Variants in THRB observed in about 807,000 individuals in gnomAD.
THRB encodes the protein thyroid hormone receptor beta, also known as nuclear receptor subfamily 1 group A member 2.
THRB carries 12 observed loss-of-function variants against 47.8 expected under a neutral mutation model. That is an observed-to-expected ratio of 0.25 (90% CI 0.16 to 0.41). The LOEUF is 0.41. Ranked by LOEUF, THRB falls within the 10% of genes least tolerant of loss-of-function variation. The probability of loss-of-function intolerance (pLI) is 1.00; values close to 1 mark genes in which losing one functional copy is unlikely to be tolerated. For synonymous variants in THRB, 218 were observed against 212.2 expected (o/e 1.03, Z -0.24); for missense variants, 348 against 589.2 (o/e 0.59, Z 4.24).
At chr3:24,182,650 A>G (rs1381722195) in intron 5 of THRB, among the ~76,000 whole-genome samples, 2 of 152,308 alleles carry the variant, frequency 1.3e-5, no homozygotes, top group African/African-American at 2.4e-5. Flanking sequence ...ACTGTGTCCC[A>G]TGAGATCATT....
intron 1 of THRB, among the ~76,000 whole-genome samples, chr3:24,338,092 C>T (rs376566161): frequency 2.0e-5 from 3 of 152,080 alleles, no homozygotes; most frequent in Admixed American, 1.3e-4. Context: ...TTGTAAATAA[C>T]GTAGAAATTT....
intron 8 of THRB, 141 bp from the exon 9 acceptor site, chr3:24,133,603 T>A: frequency 2.5e-6 from 2 of 813,070 alleles, no homozygotes; most frequent in Non-Finnish European, 4.1e-6. Context: ...TAACAAACTG[T>A]ACAGTTTACA....
chr3:24,194,924 C>T (rs1202128302), intron 4 of THRB, among the ~76,000 whole-genome samples: 1 of 152,136 alleles, frequency 6.6e-6, no homozygotes, highest in African/African-American at 2.4e-5. Context: ...GCACTCATTG[C>T]AAGAGTTTAG....
intron 1 of THRB, among the ~76,000 whole-genome samples, chr3:24,368,232 C>T (rs1351793403): frequency 6.6e-6 from 1 of 152,082 alleles, no homozygotes; most frequent in Non-Finnish European, 1.5e-5. Context: ...ACACGGATGA[C>T]TTTTCTGTCT....
chr3:24,174,832 T>G (rs1426454611), intron 5 of THRB, among the ~76,000 whole-genome samples: 1 of 152,174 alleles, frequency 6.6e-6, no homozygotes, highest in East Asian at 1.9e-4. Flanking sequence ...GTTTTAGAGA[T>G]AAGGAAACTG....
intron 1 of THRB, among the ~76,000 whole-genome samples, chr3:24,486,851 T>C (rs1218007270): frequency 6.6e-6 from 1 of 152,204 alleles, no homozygotes. Context: ...CTTATTCTAT[T>C]CCCTGTTGCA....
At chr3:24,146,568 C>T in intron 7 of THRB, 107 bp downstream of exon 7, 6 of 1,204,914 alleles carry the variant, frequency 5.0e-6, no homozygotes, top group Admixed American at 1.7e-5. Context: ...ATTCCCTTCT[C>T]TGTCTTCTTG....
intron 2 of THRB, among the ~76,000 whole-genome samples, chr3:24,329,038 T>C (rs978651443): frequency 6.6e-6 from 1 of 151,940 alleles, no homozygotes; most frequent in Non-Finnish European, 1.5e-5. Context: ...CCTCCAACTC[T>C]TGGGCTCAAG....
chr3:24,210,454 A>G (rs1256050361), intron 4 of THRB, among the ~76,000 whole-genome samples: 1 of 150,000 alleles, frequency 6.7e-6, no homozygotes, highest in Non-Finnish European at 1.5e-5. Flanking sequence ...CAATATCTGG[A>G]GACATTTTTT....
At chr3:24,219,128 T>G (rs933670539) in intron 4 of THRB, among the ~76,000 whole-genome samples, 16 of 151,830 alleles carry the variant, frequency 1.1e-4, no homozygotes, top group Admixed American at 4.6e-4. Context: ...ATAAAAACAT[T>G]TAGCTGAGTG....
At chr3:24,440,879 A>G (rs1456020904) in intron 1 of THRB, among the ~76,000 whole-genome samples, 1 of 152,138 alleles carries the variant, frequency 6.6e-6, no homozygotes, top group East Asian at 1.9e-4. Context: ...ACAAATTCCT[A>G]CCAAATTAAC....
intron 7 of THRB, chr3:24,144,315 C>G (rs1252210122): frequency 6.4e-6 from 1 of 156,246 alleles, no homozygotes; most frequent in Non-Finnish European, 1.4e-5. Context: ...ACATTATTCT[C>G]TACCTGGTCC....
At chr3:24,277,832 T>C (rs2054094169) in intron 3 of THRB, among the ~76,000 whole-genome samples, 1 of 152,238 alleles carries the variant, frequency 6.6e-6, no homozygotes, top group Non-Finnish European at 1.5e-5. Flanking sequence ...AAAGAATTAC[T>C]GGCAGTCTCT....
intron 5 of THRB, among the ~76,000 whole-genome samples, chr3:24,174,587 A>G (rs2040885105): frequency 6.6e-6 from 1 of 152,194 alleles, no homozygotes; most frequent in Non-Finnish European, 1.5e-5. Flanking sequence ...GATAAAGCTT[A>G]AAGACTTAGA....
intron 1 of THRB, among the ~76,000 whole-genome samples, chr3:24,424,859 A>G (rs1401063896): frequency 6.6e-6 from 1 of 151,970 alleles, no homozygotes; most frequent in African/African-American, 2.4e-5. Flanking sequence ...TTTGATATAA[A>G]TTTGGTTTTT....
At chr3:24,331,766 T>G (rs1203889493) in intron 2 of THRB, among the ~76,000 whole-genome samples, 1 of 152,044 alleles carries the variant, frequency 6.6e-6, no homozygotes, top group African/African-American at 2.4e-5. Flanking sequence ...CTTGGTCAAT[T>G]TACTCTACAA....
chr3:24,434,380 A>G (rs1229781903), intron 1 of THRB, among the ~76,000 whole-genome samples: 2 of 152,142 alleles, frequency 1.3e-5, no homozygotes, highest in African/African-American at 2.4e-5. Context: ...AAGTGGCAGA[A>G]CGTTTGACAC....
chr3:24,404,529 C>A (rs1316027657), intron 1 of THRB, among the ~76,000 whole-genome samples: 1 of 151,942 alleles, frequency 6.6e-6, no homozygotes, highest in African/African-American at 2.4e-5. Flanking sequence ...TATGAGAATT[C>A]AGTTGACTTC....
chr3:24,440,988 C>G (rs991245590), intron 1 of THRB, among the ~76,000 whole-genome samples: 1 of 152,152 alleles, frequency 6.6e-6, no homozygotes, highest in South Asian at 2.1e-4. Context: ...AGGCTGAAAT[C>G]AAGGTGTTAG....
Sources: allele counts gnomAD v4.1 joint callset (sites outside exome capture counted in the v4.1 genomes callset), GRCh38; gene constraint gnomAD v4.1.1; transcripts MANE v1.5; gene names NCBI Gene and HGNC (gene_info 2026-07-23, HGNC 2026-07-21).